MEOX2: variants seen among roughly 807,000 people sequenced by gnomAD.
The protein encoded by MEOX2 is homeobox protein MOX-2.
MEOX2 carries 11 observed loss-of-function variants against 27.0 expected under a neutral mutation model. The observed-to-expected ratio is 0.41, with a 90% CI of 0.26 to 0.68. The LOEUF (loss-of-function observed/expected upper bound fraction) is 0.68. Ranked by LOEUF, MEOX2 falls within the 30% of genes least tolerant of loss-of-function variation. The pLI is 0.33. For missense variants in MEOX2, 436 were observed against 385.4 expected (o/e 1.13, Z -1.10); for synonymous variants, 189 against 155.4 (o/e 1.22, Z -1.61).
intron 1 of MEOX2, among the ~76,000 whole-genome samples, chr7:15,641,286 C>T (rs1781556765): frequency 6.6e-6 from 1 of 152,064 alleles, no homozygotes; most frequent in African/African-American, 2.4e-5. Flanking sequence ...ATTTGGGTTG[C>T]ATATATGTTT....
chr7:15,649,166 C>G (rs1279919051), intron 1 of MEOX2, among the ~76,000 whole-genome samples: 2 of 152,048 alleles, frequency 1.3e-5, no homozygotes, highest in African/African-American at 4.8e-5. Flanking sequence ...TTAAACATTT[C>G]ACGGTTTTTA....
At chr7:15,678,187 A>G (rs1171708278) in intron 1 of MEOX2, among the ~76,000 whole-genome samples, 1 of 152,222 alleles carries the variant, frequency 6.6e-6, no homozygotes, top group African/African-American at 2.4e-5. Flanking sequence ...AATAAGAAAA[A>G]GAAATTCCCA....
chr7:15,617,760 T>G (rs1447055887), intron 2 of MEOX2, among the ~76,000 whole-genome samples: 4 of 152,134 alleles, frequency 2.6e-5, no homozygotes, highest in Non-Finnish European at 5.9e-5. Flanking sequence ...TCCACTGATT[T>G]AGCACATTGG....
chr7:15,686,559 A>G lies in MEOX2; in HGVS notation c.-157T>C. 1.4e-6 allele frequency: 1 copy of G among 691,866 alleles called. No individual in the cohort carries two copies. 42.9% of individuals were successfully genotyped at this position (691,866 alleles called of 1,614,324 possible). A position where few individuals can be genotyped will look rare whatever the true frequency, so the allele number is the denominator to read the frequency against. On this transcript the variant is annotated 5_prime_UTR_variant, in exon 1 of 3. Coordinates refer to ENST00000262041, the MANE Select transcript of MEOX2 (RefSeq NM_005924.5). ...CAGAGCTCGGATAATCCCGGTCCTGAGCCCCAGCGGCCAGTCTCCTTTACA... is the reference window on the plus strand; with the variant it reads ...CAGAGCTCGGATAATCCCGGTCCTGGGCCCCAGCGGCCAGTCTCCTTTACA...
intron 1 of MEOX2, among the ~76,000 whole-genome samples, chr7:15,634,382 A>G (rs148165101): frequency 1.3e-5 from 2 of 152,090 alleles, no homozygotes; most frequent in East Asian, 3.9e-4. Flanking sequence ...CCCTAATTTT[A>G]GTGTTGTCAG....
chr7:15,618,383 A>C (rs974907291), intron 2 of MEOX2, among the ~76,000 whole-genome samples: 4 of 152,030 alleles, frequency 2.6e-5, no homozygotes, highest in African/African-American at 9.7e-5. Flanking sequence ...AAATTACTGA[A>C]TAGCAATACC....
chr7:15,643,152 T>A (rs1035722330), intron 1 of MEOX2, among the ~76,000 whole-genome samples: 1 of 152,188 alleles, frequency 6.6e-6, no homozygotes, highest in African/African-American at 2.4e-5. Context: ...GGACATGCAG[T>A]TTGACCTCCC....
chr7:15,639,759 G>A (rs1203389771), intron 1 of MEOX2, among the ~76,000 whole-genome samples: 3 of 152,030 alleles, frequency 2.0e-5, no homozygotes, highest in African/African-American at 7.2e-5. Flanking sequence ...CTTTGTTGGA[G>A]ATCAGCTAGC....
chr7:15,680,806 T>A (rs1221199418), intron 1 of MEOX2: 3 of 151,804 alleles, frequency 2.0e-5, no homozygotes, highest in Non-Finnish European at 4.4e-5. Flanking sequence ...ATAAATCACA[T>A]CTACTTCAAT....
chr7:15,665,352 A>G (rs1169321717), intron 1 of MEOX2, among the ~76,000 whole-genome samples: 1 of 152,230 alleles, frequency 6.6e-6, no homozygotes, highest in East Asian at 1.9e-4. Context: ...TTGAAGGAAT[A>G]TTCAAAGCAA....
chr7:15,639,768 G>C (rs1240908012), intron 1 of MEOX2, among the ~76,000 whole-genome samples: 1 of 152,064 alleles, frequency 6.6e-6, no homozygotes, highest in Non-Finnish European at 1.5e-5. Context: ...AGATCAGCTA[G>C]CATTAGGAGT....
chr7:15,664,487 C>A (rs1781966938), intron 1 of MEOX2, among the ~76,000 whole-genome samples: 1 of 152,098 alleles, frequency 6.6e-6, no homozygotes, highest in Non-Finnish European at 1.5e-5. Flanking sequence ...AGCAAACAAA[C>A]AACAAAAACT....
intron 1 of MEOX2, among the ~76,000 whole-genome samples, chr7:15,646,178 T>C (rs1161132641): frequency 1.3e-5 from 2 of 152,076 alleles, no homozygotes; most frequent in Non-Finnish European, 2.9e-5. Context: ...ATCTCTCTAC[T>C]CTTAGTTTAC....
chr7:15,616,843 A>G (rs1002266072), intron 2 of MEOX2, among the ~76,000 whole-genome samples: 1 of 151,994 alleles, frequency 6.6e-6, no homozygotes, highest in African/African-American at 2.4e-5. Context: ...GTGTTAGATC[A>G]AAGATGGGAG....
At chr7:15,641,226 A>T (rs1167694964) in intron 1 of MEOX2, among the ~76,000 whole-genome samples, 1 of 152,090 alleles carries the variant, frequency 6.6e-6, no homozygotes, top group African/African-American at 2.4e-5. Flanking sequence ...CAGAATTTCA[A>T]TGTCTTCCTG....
At chr7:15,672,108 A>C (rs932758067) in intron 1 of MEOX2, among the ~76,000 whole-genome samples, 1 of 151,606 alleles carries the variant, frequency 6.6e-6, no homozygotes, top group Non-Finnish European at 1.5e-5. Context: ...AAACAAAAAA[A>C]ACAAAAAAAC....
intron 2 of MEOX2, among the ~76,000 whole-genome samples, chr7:15,614,586 T>C (rs1781093941): frequency 6.6e-6 from 1 of 152,182 alleles, no homozygotes; most frequent in Admixed American, 6.6e-5. Context: ...CACTGTTTCA[T>C]CTGTGTTCAT....
At chr7:15,613,747 C>T (rs899585892) in intron 2 of MEOX2, among the ~76,000 whole-genome samples, 8 of 152,144 alleles carry the variant, frequency 5.3e-5, no homozygotes, top group Admixed American at 5.2e-4. Flanking sequence ...TTTGTTGATT[C>T]AAAAGACTCT....
intron 1 of MEOX2, among the ~76,000 whole-genome samples, chr7:15,645,810 C>T (rs1411654972): frequency 1.3e-5 from 2 of 152,002 alleles, no homozygotes; most frequent in Non-Finnish European, 2.9e-5. Flanking sequence ...GAAATGATCA[C>T]GGAAATATAT....
Sources: allele counts gnomAD v4.1 joint callset (sites outside exome capture counted in the v4.1 genomes callset), GRCh38; gene constraint gnomAD v4.1.1; transcripts MANE v1.5; gene names NCBI Gene and HGNC (gene_info 2026-07-23, HGNC 2026-07-21).